ST3GAL2: variants seen among roughly 807,000 people sequenced by gnomAD.
ST3GAL2 encodes the protein ST3 beta-galactoside alpha-2,3-sialyltransferase 2, also known as CMP-N-acetylneuraminate-beta-galactosamide-alpha-2,3-sialyltransferase 2.
In ST3GAL2, 16 loss-of-function variants were observed where a neutral mutation model predicts 37.5. The observed-to-expected ratio is 0.43, with a 90% confidence interval of 0.29 to 0.65. ST3GAL2 has a LOEUF of 0.65. ST3GAL2 is among the 30% of genes least tolerant of loss of function. The pLI is 0.17. For missense variants in ST3GAL2, 383 were observed against 487.8 expected (o/e 0.79, Z 2.02); for synonymous variants, 238 against 202.9 (o/e 1.17, Z -1.47).
Position 70,381,960 on chromosome 16 carries a change from C to G in ST3GAL2, c.880-98G>C, listed in dbSNP as rs2047409166. 4 of 1,508,318 alleles carry G rather than the reference C, an allele frequency of 2.7e-6. No homozygotes were observed. The East Asian group carries it at 9.1e-5, about 34-fold the overall frequency. The allele number at this position is 1,508,318 out of a possible 1,614,324, so 93.4% of individuals were successfully genotyped here. On this transcript the variant is annotated intron_variant, in intron 6 of 6. Coordinates refer to ENST00000342907, the MANE Select transcript of ST3GAL2 (RefSeq NM_006927.4). ...CAGGGAGGAGAGGGGACGGGAGGCC[C>G]CGGGGAGATGCAGGAGCCCCCAGGC...
chr16:70,386,774 T>C (rs2047446553), intron 4 of ST3GAL2, among the ~76,000 whole-genome samples: 1 of 152,032 alleles, frequency 6.6e-6, no homozygotes, highest in Admixed American at 6.6e-5. Context: ...GCGTCCTGAG[T>C]AGCTGAGATT....
intron 1 of ST3GAL2, among the ~76,000 whole-genome samples, chr16:70,426,802 G>C (rs556740142): frequency 4.9e-4 from 74 of 152,260 alleles, no homozygotes; most frequent in Admixed American, 7.8e-4. Context: ...GAGCCACCGC[G>C]CCTGGCCCAA....
At position 70,380,452 on chromosome 16, in the gene ST3GAL2, G is replaced by A. The variant is rs1367944102; in HGVS notation, c.*1237C>T. ...TCCTAAACCTCCCCAGCTTCGAAGG[G>A]GGAGAATTCCACCAGCAGCCCCGTC... On this transcript the variant is annotated 3_prime_UTR_variant, in exon 7 of 7. Coordinates refer to ENST00000342907, the MANE Select transcript of ST3GAL2 (RefSeq NM_006927.4). 6.6e-6 allele frequency: 1 copy of A among 152,288 alleles called. No homozygotes were observed. The allele number at this position is 152,288 out of a possible 1,614,324, so 9.4% of individuals were successfully genotyped here.
chr16:70,408,742 G>A (rs930293812), intron 1 of ST3GAL2, among the ~76,000 whole-genome samples: 2 of 151,826 alleles, frequency 1.3e-5, no homozygotes, highest in Non-Finnish European at 2.9e-5. Context: ...CAGAAACCCA[G>A]AAGGCAAGAG....
rs1208043939 is a variant in ST3GAL2 at position 70,379,837 on chromosome 16, G to A, written c.*1852C>T. ...GGTAGAGACGAGGTTTCACCATATTGGCCAGGCTGGTCTCGAACTCCTGAC... is the reference window on the plus strand; with the variant it reads ...GGTAGAGACGAGGTTTCACCATATTAGCCAGGCTGGTCTCGAACTCCTGAC... On this transcript the variant is annotated 3_prime_UTR_variant, in exon 7 of 7. Coordinates refer to ENST00000342907, the MANE Select transcript of ST3GAL2 (RefSeq NM_006927.4). The A allele has an allele frequency of 6.1e-5, 9 of 146,752 alleles. No individual in the cohort carries two copies. In the East Asian group the frequency reaches 1.8e-3, roughly 29 times the overall value. 9.1% of individuals were successfully genotyped at this position (146,752 alleles called of 1,614,324 possible).
At chr16:70,428,541 T>C (rs928939983) in intron 1 of ST3GAL2, among the ~76,000 whole-genome samples, 9 of 152,186 alleles carry the variant, frequency 5.9e-5, no homozygotes, top group Admixed American at 2.0e-4. Context: ...AGCCTGCCCC[T>C]TCCTCCCTGC....
intron 1 of ST3GAL2, among the ~76,000 whole-genome samples, chr16:70,436,067 A>T: frequency 6.6e-6 from 1 of 151,812 alleles, no homozygotes. Context: ...CGGAGGTTGC[A>T]GTGAGCTGAG....
intron 1 of ST3GAL2, among the ~76,000 whole-genome samples, chr16:70,425,750 T>C (rs1427981357): frequency 6.6e-6 from 1 of 151,942 alleles, no homozygotes; most frequent in East Asian, 1.9e-4. Flanking sequence ...ACTTGACATC[T>C]GATGCAGAAG....
At chr16:70,432,139 G>C (rs1387186955) in intron 1 of ST3GAL2, among the ~76,000 whole-genome samples, 1 of 151,922 alleles carries the variant, frequency 6.6e-6, no homozygotes, top group Non-Finnish European at 1.5e-5. Context: ...GTGACACAGC[G>C]AGGCCCCATT....
chr16:70,413,787 T>A (rs1360103284), intron 1 of ST3GAL2, among the ~76,000 whole-genome samples: 1 of 149,478 alleles, frequency 6.7e-6, no homozygotes, highest in Non-Finnish European at 1.5e-5. Flanking sequence ...AATAAATAAA[T>A]AAAAGCTTTA....
intron 1 of ST3GAL2, among the ~76,000 whole-genome samples, chr16:70,416,698 C>T (rs2047678843): frequency 6.6e-6 from 1 of 151,572 alleles, no homozygotes; most frequent in South Asian, 2.1e-4. Context: ...CCATCTCTGA[C>T]ATTCTAGAAG....
At chr16:70,412,285 T>C (rs1021444514) in intron 1 of ST3GAL2, among the ~76,000 whole-genome samples, 2 of 152,204 alleles carry the variant, frequency 1.3e-5, no homozygotes, top group African/African-American at 4.8e-5. Flanking sequence ...CCAATGTTGA[T>C]AAGATATTAT....
At chr16:70,420,509 G>C (rs1384701314) in intron 1 of ST3GAL2, among the ~76,000 whole-genome samples, 1 of 152,162 alleles carries the variant, frequency 6.6e-6, no homozygotes, top group African/African-American at 2.4e-5. Flanking sequence ...GGTCCTACAA[G>C]ACAACCTAGA....
chr16:70,424,041 G>C (rs932189334), intron 1 of ST3GAL2, among the ~76,000 whole-genome samples: 1 of 151,792 alleles, frequency 6.6e-6, no homozygotes, highest in Non-Finnish European at 1.5e-5. Context: ...CTGGGTGACA[G>C]AGTGAGACTT....
In ST3GAL2 at chr16:70,390,779, A is replaced by C. The variant is rs544828332; in HGVS notation, c.534-2233T>G. Among the ~76,000 whole-genome samples the C allele has an allele frequency of 3.9e-5, 6 of 152,342 alleles. No homozygotes were observed. In the East Asian group the frequency reaches 1.2e-3, roughly 29 times the overall value. On this transcript the variant is annotated intron_variant, in intron 3 of 6. Transcript: ENST00000342907. ...TTCCTTTCAATTTGTGCAAAATACA[A>C]GACAAGTAAAAACCAAAGCTCCCCT...
rs141390792 is a variant in ST3GAL2 at position 70,385,647 on chromosome 16, G to T, written c.714-2412C>A. Among the ~76,000 whole-genome samples the T allele has an allele frequency of 4.2e-4, 63 of 149,360 alleles. 1 individual carries two copies. Among genetic ancestry groups the T allele is most frequent in the Admixed American group, 1.3e-3 (19 of 14,928 alleles). ...GGGGTGATGGCTTAGGGATCCGGGG[G>T]TATCTTTAGATTAAAGACCCTTAGA... On this transcript the variant is annotated intron_variant, in intron 4 of 6. Transcript: ENST00000342907.
chr16:70,395,781 C>T (rs777084260), intron 2 of ST3GAL2, among the ~76,000 whole-genome samples: 4 of 152,040 alleles, frequency 2.6e-5, no homozygotes, highest in Non-Finnish European at 5.9e-5. Context: ...GCTTACAGGC[C>T]CAGCAAGTGC....
intron 1 of ST3GAL2, among the ~76,000 whole-genome samples, chr16:70,413,478 G>A (rs1019069411): frequency 6.7e-5 from 10 of 149,262 alleles, no homozygotes; most frequent in Non-Finnish European, 1.5e-4. Context: ...CACTTTGGGA[G>A]GCCGAAGCAG....
intron 1 of ST3GAL2, among the ~76,000 whole-genome samples, chr16:70,405,270 G>A (rs189543689): frequency 4.6e-5 from 7 of 152,274 alleles, no homozygotes; most frequent in African/African-American, 7.2e-5. Flanking sequence ...AGCCTGGTGC[G>A]GTGGCTCACG....
Sources: gnomAD v4.1 joint callset for allele counts (sites outside exome capture counted in the v4.1 genomes callset) on GRCh38, gnomAD v4.1.1 for gene constraint, MANE v1.5 for transcripts, NCBI Gene and HGNC (gene_info 2026-07-23, HGNC 2026-07-21) for gene names.